Variants in TBC1D16 observed in about 807,000 individuals in gnomAD.
TBC1D16 encodes CTD-2529O21.1.
In TBC1D16, 58 loss-of-function variants were observed where a neutral mutation model predicts 74.7. The observed-to-expected ratio is 0.78, with a 90% CI of 0.63 to 0.97. TBC1D16 has a LOEUF of 0.97. TBC1D16 is among the 50% of genes least tolerant of loss of function. TBC1D16 has a pLI of 0.00. For missense variants in TBC1D16, 1,014 were observed against 1,079.5 expected, an observed-to-expected ratio of 0.94 and a Z score of 0.85; for synonymous variants, 493 against 474.7, an observed-to-expected ratio of 1.04 and a Z score of -0.50.
Position 79,961,286 on chromosome 17 carries a change from C to T in TBC1D16, c.780-8468G>A, listed in dbSNP as rs1465432031. ...GTAGTCAGGAAAATGCAAATTAAAA[C>T]CACAATGAGATACTCCTACTCACCT... On this transcript the variant is annotated intron_variant, in intron 3 of 11. Transcript: ENST00000310924. This position sits in a 1 kb window ranked among gnomAD's most constrained non-coding sequence, Gnocchi z 4.8. Among the ~76,000 whole-genome samples, 1 of 152,168 alleles carries T rather than the reference C, an allele frequency of 6.6e-6. No individual in the cohort carries two copies. The highest frequency in any genetic ancestry group is 2.4e-5 in the African/African-American group (1 of 41,446).
rs1046374109 is a variant in TBC1D16 at position 79,952,893 on chromosome 17, G to T, written c.780-75C>A. ...TACCCAGAGGGGGACGGGGGTCATG[G>T]GGGAGTCATTTAAACCTACGCACCA... On this transcript the variant is annotated intron_variant, in intron 3 of 11. Coordinates refer to ENST00000310924, the MANE Select transcript of TBC1D16 (RefSeq NM_019020.4). 4 of 1,519,104 alleles carry T rather than the reference G, an allele frequency of 2.6e-6. No individual in the cohort carries two copies. In the African/African-American group the frequency reaches 4.1e-5, roughly 16 times the overall value. The allele number at this position is 1,519,104 out of a possible 1,614,324, so 94.1% of individuals were successfully genotyped here. A position where few individuals can be genotyped will look rare whatever the true frequency, so the allele number is the denominator to read the frequency against.
rs2033263536 is a variant in TBC1D16, at chr17:79,954,925, C to T, written c.780-2107G>A. ...CAGGCCAAGGTTTCCAGAAACCAGA[C>T]AGAACACAGAGACTCGCTTTGGCAG... On this transcript the variant is annotated intron_variant, in intron 3 of 11. Transcript: ENST00000310924. The surrounding 1 kb of genome is among the most constrained non-coding windows in gnomAD (Gnocchi z 5.5). Among the ~76,000 whole-genome samples, 1 of 152,156 alleles carries T rather than the reference C, an allele frequency of 6.6e-6. No homozygotes were observed. Among genetic ancestry groups the T allele is most frequent in the Non-Finnish European group, 1.5e-5 (1 of 68,028 alleles).
rs148318239 is a variant in TBC1D16 at position 80,000,348 on chromosome 17, C to T, written c.779+9812G>A. On this transcript the variant is annotated intron_variant, in intron 3 of 11. Coordinates refer to ENST00000310924, the MANE Select transcript of TBC1D16 (RefSeq NM_019020.4). The surrounding 1 kb of genome is among the most constrained non-coding windows in gnomAD (Gnocchi z 4.1). ...TAGGCCCTATCTAATGACTGGCATC[C>T]GTATGAGAAGAAGAGAGGGCACACA... Among the ~76,000 whole-genome samples, 77 of 152,190 alleles carry T rather than the reference C, an allele frequency of 5.1e-4. No homozygotes were observed. The highest frequency in any genetic ancestry group is 1.9e-3 in the East Asian group (10 of 5,172).
chr17:80,034,967 C>A (rs774233847), intron 1 of TBC1D16, among the ~76,000 whole-genome samples: 1 of 152,182 alleles, frequency 6.6e-6, no homozygotes, highest in Non-Finnish European at 1.5e-5. Context: ...GCCAATCAGC[C>A]CAGCTTCTCA....
intron 1 of TBC1D16, among the ~76,000 whole-genome samples, chr17:80,033,382 G>GTT (rs973089345): frequency 6.7e-6 from 1 of 148,366 alleles, no homozygotes; most frequent in Non-Finnish European, 1.5e-5. Context: ...GGTTTTTTAG[G>GTT]TTTTTTTTTT....
chr17:80,029,010 A>C (rs1216743837), intron 1 of TBC1D16, among the ~76,000 whole-genome samples: 1 of 152,150 alleles, frequency 6.6e-6, no homozygotes, highest in Non-Finnish European at 1.5e-5. Flanking sequence ...AGGAAAGAAC[A>C]ACTTGGCCAT....
chr17:79,972,193 C>T (rs2034138997), intron 3 of TBC1D16, among the ~76,000 whole-genome samples: 1 of 151,944 alleles, frequency 6.6e-6, no homozygotes, highest in African/African-American at 2.4e-5. Context: ...TTTCTTCCCC[C>T]TGAGAGGGAG....
intron 3 of TBC1D16, among the ~76,000 whole-genome samples, chr17:79,970,860 C>G (rs948084853): frequency 3.2e-5 from 1 of 31,220 alleles, no homozygotes; most frequent in Non-Finnish European, 6.0e-5. Flanking sequence ...ACAGCGCCAC[C>G]CTGGAAACGG....
rs1374641953 is a variant in TBC1D16 at position 79,950,822 on chromosome 17, A to C, written c.1090-244T>G. The C allele has an allele frequency of 2.0e-6, 3 of 1,531,890 alleles. No individual in the cohort carries two copies. The highest frequency in any genetic ancestry group is 1.7e-4 in the Middle Eastern group (1 of 5,972). 94.9% of individuals were successfully genotyped at this position (1,531,890 alleles called of 1,614,324 possible). A position where few individuals can be genotyped will look rare whatever the true frequency, so the allele number is the denominator to read the frequency against. ...CCGGCCCACTGTGCCGCCGCCCCCC[A>C]CTCTCTCCAACCCCAGCCGCAAAAA... On this transcript the variant is annotated intron_variant, in intron 5 of 11. Transcript: ENST00000310924. The surrounding 1 kb of genome is among the most constrained non-coding windows in gnomAD (Gnocchi z 4.6).
In TBC1D16 at chr17:80,008,822, T is replaced by C. The variant is rs1039083401; in HGVS notation, c.779+1338A>G. ...ATGGACTGCATCTTTACTGGAGGGA[T>C]AAAATCAGGGAAGAACCCGTCCCAC... On this transcript the variant is annotated intron_variant, in intron 3 of 11. Coordinates refer to ENST00000310924, the MANE Select transcript of TBC1D16 (RefSeq NM_019020.4). This position sits in a 1 kb window ranked among gnomAD's most constrained non-coding sequence, Gnocchi z 4.5. Among the ~76,000 whole-genome samples the C allele has an allele frequency of 2.0e-5, 3 of 152,144 alleles. No individual in the cohort carries two copies. The highest frequency in any genetic ancestry group is 1.5e-5 in the Non-Finnish European group (1 of 68,000).
At chr17:79,945,785 C>A (rs537702263) in intron 9 of TBC1D16, among the ~76,000 whole-genome samples, 1 of 152,386 alleles carries the variant, frequency 6.6e-6, no homozygotes, top group African/African-American at 2.4e-5. Context: ...CACCCGACGT[C>A]ACACACACCC....
intron 1 of TBC1D16, among the ~76,000 whole-genome samples, chr17:80,033,721 T>C (rs941514544): frequency 6.6e-6 from 1 of 152,204 alleles, no homozygotes; most frequent in African/African-American, 2.4e-5. Context: ...CACTGCACCT[T>C]ATTACCCAAA....
chr17:80,025,093 ACACACCATATACACAC>A (rs1598444914), intron 1 of TBC1D16, among the ~76,000 whole-genome samples: 1 of 5,914 alleles, frequency 1.7e-4, no homozygotes, highest in Non-Finnish European at 5.1e-4. Flanking sequence ...CATGACACAC[ACACACCATATACACAC>A]AAACACCACA....
chr17:79,963,152 G>T (rs1337843193), intron 3 of TBC1D16, among the ~76,000 whole-genome samples: 1 of 151,694 alleles, frequency 6.6e-6, no homozygotes, highest in Non-Finnish European at 1.5e-5. Flanking sequence ...AGGAGTTGGA[G>T]GTTGCTGTCA....
rs2035735887 is a variant in TBC1D16, at chr17:80,007,820, G to C, written c.779+2340C>G. Among the ~76,000 whole-genome samples, 2 of 152,118 alleles carry C rather than the reference G, an allele frequency of 1.3e-5. No individual in the cohort carries two copies. The highest frequency in any genetic ancestry group is 4.8e-5 in the African/African-American group (2 of 41,414). On this transcript the variant is annotated intron_variant, in intron 3 of 11. Transcript: ENST00000310924. The surrounding 1 kb of genome is among the most constrained non-coding windows in gnomAD (Gnocchi z 4.5). Reference sequence around the variant, plus strand: ...TTGGAGGTGTGCACAGTGGGGGGTGGGGAGGCAGGCAGCATCGCTCAGCAG... The same window carrying C: ...TTGGAGGTGTGCACAGTGGGGGGTGCGGAGGCAGGCAGCATCGCTCAGCAG...
intron 1 of TBC1D16, among the ~76,000 whole-genome samples, chr17:80,014,683 C>T (rs2036025424): frequency 6.6e-6 from 1 of 152,082 alleles, no homozygotes; most frequent in Non-Finnish European, 1.5e-5. Context: ...CCCAAAGCCC[C>T]CTGAAATTCC....
In TBC1D16 at chr17:79,936,870, A is replaced by ATGTG. The variant is rs3080748; in HGVS notation, c.*3985_*3988dup. On this transcript the variant is annotated 3_prime_UTR_variant, in exon 12 of 12. Transcript: ENST00000310924. Reference sequence around the variant, plus strand: ...TGACTTAGGCTGCACCCCTGCACATATGTGTGTGTGTGTGTGCATGCGTGC... The same window carrying ATGTG: ...TGACTTAGGCTGCACCCCTGCACATATGTGTGTGTGTGTGTGTGTGCATGCGTGC... 7.3e-4 allele frequency: 109 copies of ATGTG among 149,504 alleles called. No homozygotes were observed. Among genetic ancestry groups the ATGTG allele is most frequent in the Middle Eastern group, 3.4e-3 (1 of 296 alleles). 9.3% of individuals were successfully genotyped at this position (149,504 alleles called of 1,614,324 possible).
rs1314414381 is a variant in TBC1D16 at position 80,009,730 on chromosome 17, G to A, written c.779+430C>T. 1.3e-5 allele frequency among the ~76,000 whole-genome samples: 2 copies of A among 152,222 alleles called. No homozygotes were observed. Among genetic ancestry groups the A allele is most frequent in the African/African-American group, 4.8e-5 (2 of 41,468 alleles). On this transcript the variant is annotated intron_variant, in intron 3 of 11. Coordinates refer to ENST00000310924, the MANE Select transcript of TBC1D16 (RefSeq NM_019020.4). This position sits in a 1 kb window ranked among gnomAD's most constrained non-coding sequence, Gnocchi z 5.4. Reference sequence around the variant, plus strand: ...TGGAGACCAGCACATCTGGGCTTGGGCCAGCCCTGTGCGTGAGCCTAATGA... The same window carrying A: ...TGGAGACCAGCACATCTGGGCTTGGACCAGCCCTGTGCGTGAGCCTAATGA...
At position 80,010,130 on chromosome 17, in the gene TBC1D16, G is replaced by A. The variant is rs760144634; in HGVS notation, c.779+30C>T. On this transcript the variant is annotated intron_variant, in intron 3 of 11. Transcript: ENST00000310924. The surrounding 1 kb of genome is among the most constrained non-coding windows in gnomAD (Gnocchi z 8.8). ...CCAGGTCAGGCCTTGGGGGCCTCCC[G>A]AGAGCCCACGCCCAGAACCAGGAAC... is the stretch of plus-strand genomic sequence containing the variant. 45 of 1,571,544 alleles carry A rather than the reference G, an allele frequency of 2.9e-5. No homozygotes were observed. Among genetic ancestry groups the A allele is most frequent in the Admixed American group, 8.8e-5 (5 of 56,828 alleles).
Sources: gnomAD v4.1 joint callset for allele counts (sites outside exome capture counted in the v4.1 genomes callset) on GRCh38, gnomAD v4.1.1 for gene constraint, Gnocchi (gnomAD v3.1) non-coding constraint, MANE v1.5 for transcripts, NCBI Gene and HGNC (gene_info 2026-07-23, HGNC 2026-07-21) for gene names.